The following PHACTR3 variants were observed in gnomAD, a reference collection of about 807,000 sequenced individuals.
The protein encoded by PHACTR3 is protein phosphatase 1, regulatory subunit 123.
Under a neutral mutation model 66.8 loss-of-function variants are expected in PHACTR3, and 16 were observed. The ratio of observed to expected loss-of-function variants is 0.24; its 90% CI spans 0.16 to 0.36. The LOEUF (loss-of-function observed/expected upper bound fraction) is 0.36. Ranked by LOEUF, PHACTR3 falls within the 10% of genes least tolerant of loss-of-function variation. PHACTR3 has a pLI of 1.00. For synonymous variants in PHACTR3, 323 were observed against 292.1 expected, an observed-to-expected ratio of 1.11 and a Z score of -1.08; for missense variants, 647 against 719.9, an observed-to-expected ratio of 0.90 and a Z score of 1.16.
At chr20:59,812,533 C>T (rs573651022) in intron 8 of PHACTR3, among the ~76,000 whole-genome samples, 156 of 152,298 alleles carry the variant, frequency 1.0e-3, no homozygotes, top group African/African-American at 3.5e-3. Flanking sequence ...GTCCTGGAGA[C>T]AGAACGCACA....
At chr20:59,819,131 G>A (rs770225003) in intron 8 of PHACTR3, among the ~76,000 whole-genome samples, 1 of 152,098 alleles carries the variant, frequency 6.6e-6, no homozygotes, top group Non-Finnish European at 1.5e-5. Context: ...GGGGCTGGGC[G>A]CAGTGGCTCA....
At chr20:59,609,696 T>C (rs1410488315) in intron 1 of PHACTR3, among the ~76,000 whole-genome samples, 1 of 152,242 alleles carries the variant, frequency 6.6e-6, no homozygotes, top group Non-Finnish European at 1.5e-5. Flanking sequence ...CTCTTTTGTC[T>C]GTACCATGGC....
chr20:59,718,384 G>A lies in PHACTR3; in HGVS notation c.119-24723G>A, dbSNP rs1056696555. Among the ~76,000 whole-genome samples, 3 of 152,292 alleles carry A rather than the reference G, an allele frequency of 2.0e-5. No individual in the cohort carries two copies. The South Asian group carries it at 6.2e-4, about 32-fold the overall frequency. The stretch of plus-strand genomic sequence containing the variant: ...GGAGGAAGAAAATGCAGAGGCAAAT[G>A]CAGATGCAGTATCTGTGGCTGGGCT... On this transcript the variant is annotated intron_variant, in intron 1 of 12. Coordinates refer to ENST00000371015, the MANE Select transcript of PHACTR3 (RefSeq NM_080672.5).
At chr20:59,674,689 G>C (rs193173031) in intron 1 of PHACTR3, among the ~76,000 whole-genome samples, 4 of 95,454 alleles carry the variant, frequency 4.2e-5, no homozygotes, top group Admixed American at 2.6e-4. Context: ...ACCTTCTCCT[G>C]TTCCTGCCTT....
intron 1 of PHACTR3, among the ~76,000 whole-genome samples, chr20:59,719,861 A>G (rs1407185169): frequency 6.6e-6 from 1 of 152,196 alleles, no homozygotes; most frequent in Non-Finnish European, 1.5e-5. Context: ...GGGGCTGCCT[A>G]AGGTCATAGG....
At chr20:59,722,822 C>T (rs1336594865) in intron 1 of PHACTR3, among the ~76,000 whole-genome samples, 2 of 151,910 alleles carry the variant, frequency 1.3e-5, no homozygotes, top group Non-Finnish European at 2.9e-5. Context: ...AGCCTCTGCT[C>T]ACGGTGGGGG....
intron 7 of PHACTR3, among the ~76,000 whole-genome samples, chr20:59,778,844 C>T (rs780168177): frequency 5.9e-5 from 9 of 152,148 alleles, no homozygotes; most frequent in Non-Finnish European, 1.3e-4. Context: ...TATTTGTTCT[C>T]GAAACCCAGT....
chr20:59,822,651 C>T (rs1231778954), intron 8 of PHACTR3, among the ~76,000 whole-genome samples: 3 of 152,160 alleles, frequency 2.0e-5, no homozygotes, highest in Non-Finnish European at 4.4e-5. Context: ...CCTGTCTTTT[C>T]TTAAATCAAG....
intron 1 of PHACTR3, among the ~76,000 whole-genome samples, chr20:59,727,127 T>G (rs913967913): frequency 6.6e-6 from 1 of 152,128 alleles, no homozygotes; most frequent in African/African-American, 2.4e-5. Context: ...ATCTACTTTC[T>G]GTCTGTATGA....
chr20:59,762,299 A>C (rs570837885), intron 4 of PHACTR3, among the ~76,000 whole-genome samples: 8 of 152,316 alleles, frequency 5.3e-5, no homozygotes, highest in African/African-American at 1.4e-4. Context: ...GAATGAGGGG[A>C]CCTCAGAGAC....
Position 59,738,274 on chromosome 20 carries a change from G to A in PHACTR3, c.119-4833G>A, listed in dbSNP as rs576993229. Among the ~76,000 whole-genome samples, 10 of 152,164 alleles carry A rather than the reference G, an allele frequency of 6.6e-5. No homozygotes were observed. Among genetic ancestry groups the A allele is most frequent in the South Asian group, 2.1e-4 (1 of 4,808 alleles). ...CAGCCCCCATGTTCTTCACAGCTAC[G>A]TCACACTGGCTTCCATGGCACATGG... On this transcript the variant is annotated intron_variant, in intron 1 of 12. Coordinates refer to ENST00000371015, the MANE Select transcript of PHACTR3 (RefSeq NM_080672.5). This position sits in a 1 kb window ranked among gnomAD's most constrained non-coding sequence, Gnocchi z 4.4.
intron 7 of PHACTR3, among the ~76,000 whole-genome samples, chr20:59,805,581 G>A (rs535153510): frequency 5.3e-5 from 8 of 152,294 alleles, no homozygotes; most frequent in East Asian, 1.9e-4. Context: ...AGACCCTAGC[G>A]TGGGATATCT....
At chr20:59,681,901 T>G (rs567259475) in intron 1 of PHACTR3, among the ~76,000 whole-genome samples, 2 of 151,746 alleles carry the variant, frequency 1.3e-5, no homozygotes, top group African/African-American at 4.8e-5. Flanking sequence ...TCCCAGCTAC[T>G]CAGGAGGCTG....
At chr20:59,789,158 G>A (rs925378355) in intron 7 of PHACTR3, among the ~76,000 whole-genome samples, 3 of 152,362 alleles carry the variant, frequency 2.0e-5, no homozygotes, top group Middle Eastern at 6.8e-3. Flanking sequence ...GCCCATAATT[G>A]ATCTCCCTGG....
At chr20:59,686,212 G>A (rs1373248411) in intron 1 of PHACTR3, among the ~76,000 whole-genome samples, 1 of 152,202 alleles carries the variant, frequency 6.6e-6, no homozygotes, top group Non-Finnish European at 1.5e-5. Context: ...GAGACTGAAG[G>A]GATGAGAAGA....
chr20:59,590,742 G>A (rs960868779), intron 1 of PHACTR3, among the ~76,000 whole-genome samples: 9 of 152,190 alleles, frequency 5.9e-5, no homozygotes, highest in African/African-American at 1.4e-4. Flanking sequence ...TCTGCAGCCT[G>A]CGAAGTCCAA....
intron 1 of PHACTR3, among the ~76,000 whole-genome samples, chr20:59,686,146 A>G (rs902174370): frequency 1.3e-5 from 2 of 152,194 alleles, no homozygotes; most frequent in Admixed American, 6.5e-5. Flanking sequence ...ATATCTTTTA[A>G]TAGACCCTGC....
At chr20:59,838,486 T>C (rs1257610123) in intron 9 of PHACTR3, among the ~76,000 whole-genome samples, 2 of 152,186 alleles carry the variant, frequency 1.3e-5, no homozygotes, top group African/African-American at 4.8e-5. Flanking sequence ...CAGGGGTCCC[T>C]TTATATGGTG....
chr20:59,723,062 C>CTTT, intron 1 of PHACTR3, among the ~76,000 whole-genome samples: 1 of 45,170 alleles, frequency 2.2e-5, no homozygotes, highest in East Asian at 9.7e-4. Context: ...CTTTCTTTCT[C>CTTT]TTTCTTTCTT....
Sources: allele counts gnomAD v4.1 joint callset (sites outside exome capture counted in the v4.1 genomes callset), GRCh38; gene constraint gnomAD v4.1.1; non-coding constraint Gnocchi (gnomAD v3.1); transcripts MANE v1.5; gene names NCBI Gene and HGNC (gene_info 2026-07-23, HGNC 2026-07-21).